Variants in GAB2 observed in about 807,000 individuals in gnomAD.
GAB2 encodes the protein GRB2 associated binding protein 2, also known as GRB2-associated-binding protein 2.
A neutral mutation model predicts 65.5 loss-of-function variants in GAB2; 26 were observed. The ratio of observed to expected loss-of-function variants is 0.40; its 90% CI spans 0.29 to 0.55. GAB2 has a LOEUF of 0.55. Among genes scored for constraint, GAB2 ranks in the 20% least tolerant of loss-of-function variants. The probability of loss-of-function intolerance (pLI) is 0.53; values close to 1 mark genes in which losing one functional copy is unlikely to be tolerated. For missense variants in GAB2, 884 were observed against 875.8 expected (o/e 1.01, Z -0.12); for synonymous variants, 321 against 329.6 (o/e 0.97, Z 0.28).
At chr11:78,334,465 T>G (rs1855965891) in intron 1 of GAB2, among the ~76,000 whole-genome samples, 1 of 152,178 alleles carries the variant, frequency 6.6e-6, no homozygotes, top group East Asian at 1.9e-4. Context: ...TGAGTGCAAT[T>G]GTTTTGATTT....
rs117705276 is a variant in GAB2, at chr11:78,261,436, C to G, written c.377-11036G>C. Reference sequence around the variant, plus strand: ...CAAATGTAAACAGTTATTTAGGGTACAAGAAATTGTTATCACTTAGTGAGG... The same window carrying G: ...CAAATGTAAACAGTTATTTAGGGTAGAAGAAATTGTTATCACTTAGTGAGG... On this transcript the variant is annotated intron_variant, in intron 2 of 9. Transcript: ENST00000361507. Among the ~76,000 whole-genome samples the G allele has an allele frequency of 1.8e-3, 267 of 152,264 alleles. 1 individual carries two copies. The highest frequency in any genetic ancestry group is 3.3e-3 in the Admixed American group (51 of 15,286).
At position 78,253,478 on chromosome 11, in the gene GAB2, G is replaced by A. The variant is rs142742695; in HGVS notation, c.377-3078C>T. Reference sequence around the variant, plus strand: ...GGCCAATTTTTAAATTTTTTTTGTAGAGACAGGATCTCACTATGTTGCCCA... The same window carrying A: ...GGCCAATTTTTAAATTTTTTTTGTAAAGACAGGATCTCACTATGTTGCCCA... On this transcript the variant is annotated intron_variant, in intron 2 of 9. Coordinates refer to ENST00000361507, the MANE Select transcript of GAB2 (RefSeq NM_080491.3). 4.3e-3 allele frequency among the ~76,000 whole-genome samples: 660 copies of A among 152,156 alleles called. 2 individuals carry two copies. The highest frequency in any genetic ancestry group is 0.015 in the African/African-American group (624 of 41,508).
intron 1 of GAB2, among the ~76,000 whole-genome samples, chr11:78,396,081 C>T (rs1856891317): frequency 6.6e-6 from 1 of 152,192 alleles, no homozygotes; most frequent in African/African-American, 2.4e-5. Context: ...TAAAATCTTA[C>T]AGATATCAAG....
intron 1 of GAB2, among the ~76,000 whole-genome samples, chr11:78,305,065 A>T (rs1450291448): frequency 1.3e-5 from 2 of 152,196 alleles, no homozygotes; most frequent in African/African-American, 4.8e-5. Context: ...GCTGAGCTGA[A>T]TGCCAACTGA....
intron 9 of GAB2, among the ~76,000 whole-genome samples, chr11:78,219,850 C>G (rs1334874532): frequency 6.6e-6 from 1 of 152,176 alleles, no homozygotes; most frequent in Non-Finnish European, 1.5e-5. Flanking sequence ...TGAGGCACAG[C>G]TCTGCACCCT....
At chr11:78,222,343 T>C in intron 6 of GAB2, 148 bp from the exon 7 acceptor site, 2 of 626,236 alleles carry the variant, frequency 3.2e-6, no homozygotes, top group Non-Finnish European at 5.9e-6. Context: ...CGAGGTTGTA[T>C]AATCTTTGCC....
intron 1 of GAB2, among the ~76,000 whole-genome samples, chr11:78,405,397 C>A (rs1203098594): frequency 6.6e-6 from 1 of 152,168 alleles, no homozygotes; most frequent in Non-Finnish European, 1.5e-5. Flanking sequence ...CCACGCCTGG[C>A]CAAGCACATG....
chr11:78,254,442 A>C (rs1246641545), intron 2 of GAB2, among the ~76,000 whole-genome samples: 2 of 152,226 alleles, frequency 1.3e-5, no homozygotes, highest in Admixed American at 6.5e-5. Context: ...CATCCAACAG[A>C]AACTTGGATT....
At position 78,300,393 on chromosome 11, in the gene GAB2, G is replaced by A. The variant is rs551030676; in HGVS notation, c.76-19492C>T. On this transcript the variant is annotated intron_variant, in intron 1 of 9. Transcript: ENST00000361507. ...GTTGTTTCCAGCTTGGAGCCATTAT[G>A]AACAAAATAGCTATGAACATTATTG... Among the ~76,000 whole-genome samples, 5 of 151,824 alleles carry A rather than the reference G, an allele frequency of 3.3e-5. No individual in the cohort carries two copies. The South Asian group carries it at 1.0e-3, about 31-fold the overall frequency.
At chr11:78,310,978 G>C (rs1309110148) in intron 1 of GAB2, among the ~76,000 whole-genome samples, 4 of 152,158 alleles carry the variant, frequency 2.6e-5, no homozygotes, top group African/African-American at 9.7e-5. Context: ...GATTTTGTAT[G>C]AAATTCTGCC....
intron 1 of GAB2, among the ~76,000 whole-genome samples, chr11:78,357,953 C>G (rs542242252): frequency 3.3e-5 from 5 of 152,064 alleles, no homozygotes; most frequent in Non-Finnish European, 5.9e-5. Context: ...GGGTATATAC[C>G]CAAAGGATTA....
At chr11:78,314,161 G>A (rs1377714219) in intron 1 of GAB2, among the ~76,000 whole-genome samples, 2 of 152,150 alleles carry the variant, frequency 1.3e-5, no homozygotes, top group East Asian at 1.9e-4. Context: ...CTTGACATAG[G>A]GCTCGCATGT....
intron 7 of GAB2, 104 bp downstream of exon 7, chr11:78,222,001 T>C (rs1426482604): frequency 1.6e-5 from 13 of 802,086 alleles, no homozygotes; most frequent in Non-Finnish European, 1.6e-5. Context: ...ATGATAGCGT[T>C]AGCATCAGAA....
At chr11:78,301,187 C>T (rs962129646) in intron 1 of GAB2, among the ~76,000 whole-genome samples, 1 of 152,144 alleles carries the variant, frequency 6.6e-6, no homozygotes, top group African/African-American at 2.4e-5. Context: ...CAGACACAGA[C>T]ACATATACAC....
At chr11:78,352,425 G>A (rs529487219) in intron 1 of GAB2, among the ~76,000 whole-genome samples, 2 of 152,202 alleles carry the variant, frequency 1.3e-5, no homozygotes, top group Non-Finnish European at 2.9e-5. Context: ...TTCACAGCTC[G>A]GCGTGTCTGT....
chr11:78,401,102 C>A lies in GAB2; in HGVS notation c.75+16544G>T, dbSNP rs565821743. 2.1e-5 allele frequency among the ~76,000 whole-genome samples: 3 copies of A among 145,874 alleles called. No homozygotes were observed. In the South Asian group the frequency reaches 6.3e-4, roughly 31 times the overall value. ...GAGCAAGACCAATTACTAACCTTTA[C>A]CAAGTGAGGTTTAAAAAAAAAAAAC... On this transcript the variant is annotated intron_variant, in intron 1 of 9. Transcript: ENST00000361507.
intron 1 of GAB2, among the ~76,000 whole-genome samples, chr11:78,307,377 G>A (rs558783834): frequency 6.6e-5 from 10 of 152,196 alleles, no homozygotes; most frequent in South Asian, 4.1e-4. Context: ...TAAAAGCAAG[G>A]TTGCTTTAAA....
chr11:78,309,378 C>G (rs1342473690), intron 1 of GAB2, among the ~76,000 whole-genome samples: 1 of 152,000 alleles, frequency 6.6e-6, no homozygotes, highest in Non-Finnish European at 1.5e-5. Context: ...TACTAACTAA[C>G]AGCCTTTCCC....
chr11:78,293,892 T>C (rs1866747802), intron 1 of GAB2, among the ~76,000 whole-genome samples: 1 of 151,842 alleles, frequency 6.6e-6, no homozygotes, highest in African/African-American at 2.4e-5. Flanking sequence ...AAAAGATGGA[T>C]ATTGATGAAA....
Sources: gnomAD v4.1 joint callset for allele counts (sites outside exome capture counted in the v4.1 genomes callset) on GRCh38, gnomAD v4.1.1 for gene constraint, MANE v1.5 for transcripts, NCBI Gene and HGNC (gene_info 2026-07-23, HGNC 2026-07-21) for gene names.